Variants in EPS8 observed in about 807,000 individuals in gnomAD.
The protein encoded by EPS8 is epidermal growth factor receptor kinase substrate 8.
A neutral mutation model predicts 103.8 loss-of-function variants in EPS8; 42 were observed. The observed-to-expected ratio is 0.40, with a 90% CI of 0.32 to 0.52. EPS8 has a LOEUF of 0.52. EPS8 is among the 20% of genes least tolerant of loss of function. The probability of loss-of-function intolerance (pLI) is 0.40; values close to 1 mark genes in which losing one functional copy is unlikely to be tolerated. For synonymous variants in EPS8, 344 were observed against 344.6 expected (o/e 1.00, Z 0.02); for missense variants, 969 against 1,005.1 (o/e 0.96, Z 0.49).
intron 1 of EPS8, among the ~76,000 whole-genome samples, chr12:15,756,441 A>T (rs936667016): frequency 6.6e-6 from 1 of 152,216 alleles, no homozygotes; most frequent in Non-Finnish European, 1.5e-5. Flanking sequence ...TATCAGAACC[A>T]AATAAACAAA....
At position 15,778,359 on chromosome 12, in the gene EPS8, T is replaced by G. The variant is rs1425873550; in HGVS notation, c.-22+10802A>C. Among the ~76,000 whole-genome samples the G allele has an allele frequency of 6.6e-6, 1 of 152,210 alleles. No individual in the cohort carries two copies. The highest frequency in any genetic ancestry group is 2.4e-5 in the African/African-American group (1 of 41,446). On this transcript the variant is annotated intron_variant, in intron 1 of 20. Transcript: ENST00000281172. This position sits in a 1 kb window ranked among gnomAD's most constrained non-coding sequence, Gnocchi z 4.5. ...TATTGGACCAATGACCAGATTTTTA[T>G]CACAGAAAGGATTCCATTGCTATTA...
chr12:15,708,420 C>CA (rs1403295546), intron 1 of EPS8, among the ~76,000 whole-genome samples: 1 of 152,164 alleles, frequency 6.6e-6, no homozygotes, highest in Admixed American at 6.5e-5. Flanking sequence ...CTATTCCAGG[C>CA]AGCCACAAGC....
chr12:15,670,618 A>T (rs925432453), intron 4 of EPS8, among the ~76,000 whole-genome samples: 2 of 152,160 alleles, frequency 1.3e-5, no homozygotes, highest in African/African-American at 4.8e-5. Context: ...TAAGTGAAAT[A>T]AGACTGGCAA....
At position 15,698,818 on chromosome 12, in the gene EPS8, T is replaced by C. The variant is rs574066917; in HGVS notation, c.-21-15846A>G. On this transcript the variant is annotated intron_variant, in intron 1 of 20. Coordinates refer to ENST00000281172, the MANE Select transcript of EPS8 (RefSeq NM_004447.6). The surrounding 1 kb of genome is among the most constrained non-coding windows in gnomAD (Gnocchi z 4.9). ...TGTTGAAACCTCAGGCAAGGTCAGTTTTGCCAAGAGCCACATGACTGCTTC... is the reference window on the plus strand; with the variant it reads ...TGTTGAAACCTCAGGCAAGGTCAGTCTTGCCAAGAGCCACATGACTGCTTC... Among the ~76,000 whole-genome samples, 66 of 152,276 alleles carry C rather than the reference T, an allele frequency of 4.3e-4. No homozygotes were observed. The highest frequency in any genetic ancestry group is 1.6e-3 in the African/African-American group (65 of 41,544).
intron 17 of EPS8, among the ~76,000 whole-genome samples, chr12:15,637,218 G>A (rs1466722922): frequency 1.3e-5 from 2 of 152,158 alleles, no homozygotes; most frequent in African/African-American, 4.8e-5. Context: ...ACAGGGTTTT[G>A]CCATGTTGGC....
chr12:15,638,268 CTA>C (rs1272470518), intron 17 of EPS8, among the ~76,000 whole-genome samples: 1 of 151,960 alleles, frequency 6.6e-6, no homozygotes, highest in Non-Finnish European at 1.5e-5. Flanking sequence ...CCATTTTACT[CTA>C]TTCTTTTTTT....
chr12:15,757,632 A>G lies in EPS8; in HGVS notation c.-22+31529T>C, dbSNP rs186746758. Among the ~76,000 whole-genome samples the G allele has an allele frequency of 9.1e-4, 136 of 150,064 alleles. 1 individual carries two copies. The highest frequency in any genetic ancestry group is 8.8e-3 in the Admixed American group (132 of 15,078). The stretch of plus-strand genomic sequence containing the variant: ...CAACAGAGCGAGACTCCGTCTGAAG[A>G]AAAAAAAAAGAAAAAGAAAAAGAAA... On this transcript the variant is annotated intron_variant, in intron 1 of 20. Transcript: ENST00000281172. The surrounding 1 kb of genome is among the most constrained non-coding windows in gnomAD (Gnocchi z 4.1).
At chr12:15,729,729 T>C (rs1946693098) in intron 1 of EPS8, among the ~76,000 whole-genome samples, 1 of 152,202 alleles carries the variant, frequency 6.6e-6, no homozygotes, top group African/African-American at 2.4e-5. Context: ...ATGTTGGAGA[T>C]TTACTTATCT....
intron 4 of EPS8, 137 bp from the exon 5 acceptor site, chr12:15,669,962 C>T (rs1433410096): frequency 8.6e-6 from 5 of 578,346 alleles, no homozygotes; most frequent in Non-Finnish European, 1.4e-5. Flanking sequence ...ACTCTTAAAA[C>T]TTCATGACTA....
intron 8 of EPS8, among the ~76,000 whole-genome samples, chr12:15,664,488 T>A (rs1945673523): frequency 1.3e-5 from 2 of 152,094 alleles, no homozygotes; most frequent in Non-Finnish European, 2.9e-5. Flanking sequence ...ACCATAAACA[T>A]TATTTACTTT....
intron 12 of EPS8, among the ~76,000 whole-genome samples, chr12:15,654,601 A>G (rs1945475295): frequency 6.6e-6 from 1 of 152,174 alleles, no homozygotes; most frequent in Admixed American, 6.5e-5. Flanking sequence ...AGATCAGGTG[A>G]TTTTACTACC....
In EPS8 at chr12:15,693,440, A is replaced by T. The variant is rs532742391; in HGVS notation, c.-21-10468T>A. On this transcript the variant is annotated intron_variant, in intron 1 of 20. Coordinates refer to ENST00000281172, the MANE Select transcript of EPS8 (RefSeq NM_004447.6). This position sits in a 1 kb window ranked among gnomAD's most constrained non-coding sequence, Gnocchi z 5.6. ...CATCTGGGATCCAAGTTCACTTTAA[A>T]CACATGACTAATAAATCCTACTATT... Among the ~76,000 whole-genome samples, 11 of 152,314 alleles carry T rather than the reference A, an allele frequency of 7.2e-5. No homozygotes were observed. In the East Asian group the frequency reaches 1.9e-3, roughly 27 times the overall value.
intron 1 of EPS8, among the ~76,000 whole-genome samples, chr12:15,724,893 T>A (rs925573134): frequency 6.6e-6 from 1 of 152,216 alleles, no homozygotes; most frequent in Non-Finnish European, 1.5e-5. Context: ...CTTGGGTATG[T>A]CTTTATCAGC....
intron 1 of EPS8, among the ~76,000 whole-genome samples, chr12:15,708,672 T>C (rs924761029): frequency 6.6e-6 from 1 of 152,282 alleles, no homozygotes; most frequent in South Asian, 2.1e-4. Flanking sequence ...AAAGTGAAAT[T>C]TGCATTATGC....
rs763577131 is a variant in EPS8 at position 15,706,994 on chromosome 12, T to C, written c.-21-24022A>G. Among the ~76,000 whole-genome samples the C allele has an allele frequency of 7.9e-5, 12 of 152,200 alleles. No individual in the cohort carries two copies. The highest frequency in any genetic ancestry group is 2.9e-4 in the African/African-American group (12 of 41,446). On this transcript the variant is annotated intron_variant, in intron 1 of 20. Transcript: ENST00000281172. This position sits in a 1 kb window ranked among gnomAD's most constrained non-coding sequence, Gnocchi z 5.2. ...AGTTTCTTCATTTGTAAAGTGGTTA[T>C]AGTATCTCTCAAGGTTAAGAACAAT...
chr12:15,781,045 G>A lies in EPS8; in HGVS notation c.-22+8116C>T, dbSNP rs1361825078. The stretch of plus-strand genomic sequence containing the variant: ...GCCCTTGAGAAGCTTTAAATACAAT[G>A]AGGGAAAGAAAGAAATAACTAGCTA... On this transcript the variant is annotated intron_variant, in intron 1 of 20. Coordinates refer to ENST00000281172, the MANE Select transcript of EPS8 (RefSeq NM_004447.6). The surrounding 1 kb of genome is among the most constrained non-coding windows in gnomAD (Gnocchi z 4.1). 1.3e-5 allele frequency among the ~76,000 whole-genome samples: 2 copies of A among 152,124 alleles called. No homozygotes were observed. Among genetic ancestry groups the A allele is most frequent in the Non-Finnish European group, 2.9e-5 (2 of 68,024 alleles).
Position 15,621,190 on chromosome 12 carries a change from T to G in EPS8, c.*127A>C. 1 of 377,400 alleles carries G rather than the reference T, an allele frequency of 2.6e-6. No homozygotes were observed. Among genetic ancestry groups the G allele is most frequent in the Non-Finnish European group, 4.1e-6 (1 of 241,568 alleles). The allele number at this position is 377,400 out of a possible 1,614,324, so 23.4% of individuals were successfully genotyped here. On this transcript the variant is annotated 3_prime_UTR_variant, in exon 21 of 21. Coordinates refer to ENST00000281172, the MANE Select transcript of EPS8 (RefSeq NM_004447.6). ...AATCCTGTGCTCACTCAGGTTTGCA[T>G]GGGTTTTTTTTTATGGTGATAAATT...
At position 15,778,716 on chromosome 12, in the gene EPS8, T is replaced by C. The variant is rs911198043; in HGVS notation, c.-22+10445A>G. On this transcript the variant is annotated intron_variant, in intron 1 of 20. Transcript: ENST00000281172. The surrounding 1 kb of genome is among the most constrained non-coding windows in gnomAD (Gnocchi z 4.5). ...TTTGAAAACACACTGCAAAGAGAAA[T>C]TGGAGATTATGTACGCATGCATATA... Among the ~76,000 whole-genome samples, 7 of 152,146 alleles carry C rather than the reference T, an allele frequency of 4.6e-5. No homozygotes were observed. The highest frequency in any genetic ancestry group is 1.7e-4 in the African/African-American group (7 of 41,426).
At chr12:15,648,248 T>C (rs1198011984) in intron 14 of EPS8, among the ~76,000 whole-genome samples, 1 of 152,198 alleles carries the variant, frequency 6.6e-6, no homozygotes, top group African/African-American at 2.4e-5. Flanking sequence ...AGCCTTTACT[T>C]TGTTTCTTTA....
Sources: gnomAD v4.1 joint callset for allele counts (sites outside exome capture counted in the v4.1 genomes callset) on GRCh38, gnomAD v4.1.1 for gene constraint, Gnocchi (gnomAD v3.1) non-coding constraint, MANE v1.5 for transcripts, NCBI Gene and HGNC (gene_info 2026-07-23, HGNC 2026-07-21) for gene names.